Variants in MANBA observed in about 807,000 individuals in gnomAD.
The protein encoded by MANBA is mannosidase beta, also known as beta-mannosidase.
Under a neutral mutation model 111.1 loss-of-function variants are expected in MANBA, and 83 were observed. The observed-to-expected ratio is 0.75, with a 90% CI of 0.63 to 0.90. The LOEUF is 0.90. Among genes scored for constraint, MANBA ranks in the 40% least tolerant of loss-of-function variants. The pLI is 0.00. For missense variants in MANBA, 1,036 were observed against 1,069.0 expected, an observed-to-expected ratio of 0.97 and a Z score of 0.43; for synonymous variants, 370 against 378.7, an observed-to-expected ratio of 0.98 and a Z score of 0.27.
At chr4:102,728,898 C>T in intron 1 of MANBA, 1 of 752,960 alleles carries the variant, frequency 1.3e-6, no homozygotes. Context: ...CCCCCACAGG[C>T]CGAGCTCAGA....
intron 5 of MANBA, among the ~76,000 whole-genome samples, chr4:102,709,398 GAAAAAAA>G (rs760906813): frequency 1.1e-5 from 1 of 93,914 alleles, no homozygotes; most frequent in African/African-American, 3.3e-5. Flanking sequence ...AAGAAAGAAA[GAAAAAAA>G]AGAAAGAAAG....
chr4:102,671,199 G>A (rs1374792582), intron 9 of MANBA, 82 bp downstream of exon 9: 5 of 905,784 alleles, frequency 5.5e-6, no homozygotes, highest in Non-Finnish European at 9.3e-6. Context: ...TGAGACTGGG[G>A]CAATTGCATC....
intron 1 of MANBA, among the ~76,000 whole-genome samples, chr4:102,735,294 G>C (rs574724872): frequency 6.6e-6 from 1 of 151,908 alleles, no homozygotes; most frequent in Non-Finnish European, 1.5e-5. Flanking sequence ...GAAATGGGAG[G>C]CTCATCAATT....
Position 102,698,202 on chromosome 4 carries a change from T to C in MANBA, c.674-7431A>G, listed in dbSNP as rs965474974. 4.6e-5 allele frequency among the ~76,000 whole-genome samples: 7 copies of C among 152,332 alleles called. No homozygotes were observed. In the Middle Eastern group the frequency reaches 0.01, roughly 222 times the overall value. ...TCCTTTGCCCACTTTTTGATGGGGTTGTTTGTCTTTTTCTTGTAAATTTGT... is the reference window on the plus strand; with the variant it reads ...TCCTTTGCCCACTTTTTGATGGGGTCGTTTGTCTTTTTCTTGTAAATTTGT... On this transcript the variant is annotated intron_variant, in intron 5 of 16. Coordinates refer to ENST00000647097, the MANE Select transcript of MANBA (RefSeq NM_005908.4).
chr4:102,756,564 C>A (rs1724027911), intron 1 of MANBA, among the ~76,000 whole-genome samples: 1 of 151,654 alleles, frequency 6.6e-6, no homozygotes, highest in African/African-American at 2.4e-5. Context: ...ACCAACATGG[C>A]ACATGTATAC....
chr4:102,633,230 T>A, intron 16 of MANBA: 2 of 398,510 alleles, frequency 5.0e-6, no homozygotes, highest in Non-Finnish European at 8.8e-6. Context: ...TGAATTTGGA[T>A]GGCAAATTCC....
In MANBA at chr4:102,639,809, T is replaced by A; in HGVS notation, c.1918A>T (p.Ser640Cys). The A allele has an allele frequency of 1.2e-6, 2 of 1,614,162 alleles. No homozygotes were observed. The highest frequency in any genetic ancestry group is 1.7e-6 in the Non-Finnish European group (2 of 1,179,998). Residue 640 changes from serine (S) to cysteine (C), a missense_variant, in exon 14 of 17, where the codon AGT (serine) becomes TGT (cysteine). Physicochemically the swap from Ser to Cys is moderately radical, Grantham distance 112. Transcript: ENST00000647097. Reference sequence around the variant, plus strand: ...TGCTGATCCACTATCTCGCTGCGACTACGGCGGTAGAATTCAGTTTCTGTT... The same window carrying A: ...TGCTGATCCACTATCTCGCTGCGACAACGGCGGTAGAATTCAGTTTCTGTT... ...VKTETEFYRR[S>C]RSEIVDQQGH... is the part of the protein sequence containing the mutation.
chr4:102,715,999 T>C (rs573512849), intron 4 of MANBA, among the ~76,000 whole-genome samples: 36 of 152,162 alleles, frequency 2.4e-4, no homozygotes, highest in Admixed American at 2.3e-3. Flanking sequence ...AATATTGTGC[T>C]TACATGTAAT....
At position 102,734,976 on chromosome 4, in the gene MANBA, C is replaced by A. The variant is rs11942902; in HGVS notation, c.178-8293G>T. Among the ~76,000 whole-genome samples the A allele has an allele frequency of 1.4e-3, 218 of 152,292 alleles. 1 individual carries two copies. Among genetic ancestry groups the A allele is most frequent in the Admixed American group, 3.9e-3 (60 of 15,306 alleles). On this transcript the variant is annotated intron_variant, in intron 1 of 16. Coordinates refer to ENST00000647097, the MANE Select transcript of MANBA (RefSeq NM_005908.4). Reference sequence around the variant, plus strand: ...GTGAGTTTACATTACATTTTGGAGTCATTATCTAATGCTGACAAGCCCACC... The same window carrying A: ...GTGAGTTTACATTACATTTTGGAGTAATTATCTAATGCTGACAAGCCCACC...
chr4:102,727,432 G>C, intron 1 of MANBA: 1 of 1,234,902 alleles, frequency 8.1e-7, no homozygotes, highest in South Asian at 1.2e-5. Flanking sequence ...CTTGGTATAG[G>C]CCAATTGCAC....
chr4:102,677,911 A>G (rs945850336), intron 7 of MANBA, among the ~76,000 whole-genome samples: 20 of 152,312 alleles, frequency 1.3e-4, no homozygotes, highest in South Asian at 6.2e-4. Context: ...TTTAAAATGA[A>G]TAAGTAAATA....
At position 102,726,526 on chromosome 4, in the gene MANBA, G is replaced by A. The variant is rs373770670; in HGVS notation, c.272+63C>T. On this transcript the variant is annotated intron_variant, in intron 2 of 16. Transcript: ENST00000647097. ...AAAACAAACAAAACACAACATTTTT[G>A]CCCAGATAGAAAAAGAAGAAAAGTT... 1.2e-5 allele frequency: 10 copies of A among 855,740 alleles called. No homozygotes were observed. In the Middle Eastern group the frequency reaches 6.7e-4, roughly 58 times the overall value. 53.0% of individuals were successfully genotyped at this position (855,740 alleles called of 1,614,324 possible).
intron 12 of MANBA, 35 bp downstream of exon 12, chr4:102,657,647 A>T (rs1384064753): frequency 6.6e-7 from 1 of 1,506,158 alleles, no homozygotes; most frequent in East Asian, 2.3e-5. Flanking sequence ...ACAGTCTATC[A>T]TTCTGAAACA....
At chr4:102,705,665 C>T (rs1156896122) in intron 5 of MANBA, among the ~76,000 whole-genome samples, 1 of 152,192 alleles carries the variant, frequency 6.6e-6, no homozygotes, top group Non-Finnish European at 1.5e-5. Flanking sequence ...ACTACTGCCC[C>T]CACCCAAGCA....
chr4:102,712,884 G>A (rs1033804100), intron 5 of MANBA, among the ~76,000 whole-genome samples: 18 of 152,110 alleles, frequency 1.2e-4, no homozygotes, highest in African/African-American at 4.3e-4. Flanking sequence ...CGTATGGGTG[G>A]TAGCATGGGA....
rs1729469592 is a variant in MANBA, at chr4:102,633,276, T to G, written c.2416-995A>C. Reference sequence around the variant, plus strand: ...CGCCCAGCTGTTCCAGTGAAGGTCCTAAAGCAGCCACAGGAACAAGGTTCA... The same window carrying G: ...CGCCCAGCTGTTCCAGTGAAGGTCCGAAAGCAGCCACAGGAACAAGGTTCA... On this transcript the variant is annotated intron_variant, in intron 16 of 16. Coordinates refer to ENST00000647097, the MANE Select transcript of MANBA (RefSeq NM_005908.4). 6 of 398,506 alleles carry G rather than the reference T, an allele frequency of 1.5e-5. No individual in the cohort carries two copies. The Admixed American group carries it at 2.6e-4, about 18-fold the overall frequency. 24.7% of individuals were successfully genotyped at this position (398,506 alleles called of 1,614,324 possible). A position where few individuals can be genotyped will look rare whatever the true frequency, so the allele number is the denominator to read the frequency against.
intron 1 of MANBA, chr4:102,728,369 C>T (rs1482831322): frequency 3.8e-6 from 2 of 524,946 alleles, no homozygotes; most frequent in East Asian, 5.4e-5. Context: ...TTTGCCTACA[C>T]TTTGAATCTT....
At chr4:102,676,253 C>T (rs1731723017) in intron 7 of MANBA, among the ~76,000 whole-genome samples, 1 of 152,072 alleles carries the variant, frequency 6.6e-6, no homozygotes. Flanking sequence ...TGTAGTGTCT[C>T]ATTGAGACAA....
intron 4 of MANBA, among the ~76,000 whole-genome samples, chr4:102,714,850 C>T (rs561321605): frequency 6.6e-6 from 1 of 152,324 alleles, no homozygotes; most frequent in South Asian, 2.1e-4. Flanking sequence ...TGTCTCTCTC[C>T]ATTGTCCAAA....
Sources: allele counts gnomAD v4.1 joint callset (sites outside exome capture counted in the v4.1 genomes callset), GRCh38; gene constraint gnomAD v4.1.1; transcripts MANE v1.5; gene names NCBI Gene and HGNC (gene_info 2026-07-23, HGNC 2026-07-21).